SPTBN4: variants seen among roughly 807,000 people sequenced by gnomAD.
SPTBN4 encodes the protein spectrin beta, non-erythrocytic 4, also known as spectrin beta chain, non-erythrocytic 4.
In SPTBN4, 96 loss-of-function variants were observed where a neutral mutation model predicts 277.8. The observed-to-expected ratio is 0.35, with a 90% CI of 0.29 to 0.41. SPTBN4 has a LOEUF of 0.41. SPTBN4 is among the 10% of genes least tolerant of loss of function. The probability of loss-of-function intolerance (pLI) is 1.00; values close to 1 mark genes in which losing one functional copy is unlikely to be tolerated. For missense variants in SPTBN4, 3,006 were observed against 3,595.7 expected, an observed-to-expected ratio of 0.84 and a Z score of 4.19; for synonymous variants, 1,481 against 1,580.3, an observed-to-expected ratio of 0.94 and a Z score of 1.49.
intron 6 of SPTBN4, 62 bp from the exon 7 acceptor site, chr19:40,497,427 C>T: frequency 1.5e-6 from 2 of 1,295,770 alleles, no homozygotes; most frequent in Non-Finnish European, 2.2e-6. Flanking sequence ...GTGGCTTCTT[C>T]CCTGCTTGCC....
intron 20 of SPTBN4, among the ~76,000 whole-genome samples, chr19:40,546,225 C>CAAAA (rs557010488): frequency 7.2e-5 from 5 of 69,164 alleles, no homozygotes; most frequent in African/African-American, 1.7e-4. Context: ...AACTCCATCT[C>CAAAA]AAAAAAAAAA....
At position 40,514,875 on chromosome 19, in the gene SPTBN4, C is replaced by A. The variant is rs568647410; in HGVS notation, c.2766-436C>A. On this transcript the variant is annotated intron_variant, in intron 14 of 35. Coordinates refer to ENST00000598249, the MANE Select transcript of SPTBN4 (RefSeq NM_020971.3). ...ATCCCAGTACTTTGGGAGGCCAAGG[C>A]AGGTGGATCATATAAGATCAGGAGT... 3.9e-5 allele frequency among the ~76,000 whole-genome samples: 6 copies of A among 152,190 alleles called. No homozygotes were observed. In the East Asian group the frequency reaches 9.7e-4, roughly 25 times the overall value.
At chr19:40,518,408 G>C (rs1337753224) in intron 15 of SPTBN4, among the ~76,000 whole-genome samples, 1 of 152,074 alleles carries the variant, frequency 6.6e-6, no homozygotes, top group Non-Finnish European at 1.5e-5. Flanking sequence ...ACTTAGTACT[G>C]AGAAAATTTA....
At chr19:40,481,935 G>A (rs2080016735) in intron 2 of SPTBN4, among the ~76,000 whole-genome samples, 1 of 149,998 alleles carries the variant, frequency 6.7e-6, no homozygotes, top group South Asian at 2.1e-4. Context: ...GGCCATTCAA[G>A]TCTTTTTTTT....
At chr19:40,546,061 A>G (rs1386151659) in intron 20 of SPTBN4, among the ~76,000 whole-genome samples, 1 of 151,018 alleles carries the variant, frequency 6.6e-6, no homozygotes, top group Non-Finnish European at 1.5e-5. Context: ...AAAAAAAAAA[A>G]AAAAAAAATC....
chr19:40,570,837 A>C (rs1204886294), intron 33 of SPTBN4, 109 bp downstream of exon 33: 5 of 1,078,980 alleles, frequency 4.6e-6, no homozygotes, highest in African/African-American at 2.1e-5. Context: ...GCCCTCCAGC[A>C]GGTGGCGGTA....
At chr19:40,574,517 A>G (rs1409616358) in intron 35 of SPTBN4, among the ~76,000 whole-genome samples, 2 of 151,908 alleles carry the variant, frequency 1.3e-5, no homozygotes, top group African/African-American at 4.8e-5. Context: ...TTGCGCCACC[A>G]TGCCCGGCTA....
At chr19:40,552,455 CAAAAAAAAAA>C (rs33935362) in intron 22 of SPTBN4, among the ~76,000 whole-genome samples, 1 of 75,932 alleles carries the variant, frequency 1.3e-5, no homozygotes, top group Non-Finnish European at 2.5e-5. Context: ...GACTCCGTCT[CAAAAAAAAAA>C]AAAAAAAAAG....
rs2080156345 is a variant in SPTBN4 at position 40,493,061 on chromosome 19, A to T, written c.587+7A>T. On this transcript the variant is annotated splice_region_variant and intron_variant, in intron 5 of 35. Transcript: ENST00000598249. ...GTCAGATGAAGACAGCTGGGTAAGC[A>T]CCCCCACCACCTTCCTTAGGAGGTT... 2 of 1,613,670 alleles carry T rather than the reference A, an allele frequency of 1.2e-6. No homozygotes were observed. The highest frequency in any genetic ancestry group is 8.5e-7 in the Non-Finnish European group (1 of 1,179,794).
chr19:40,509,500 T>C (rs112619272), intron 13 of SPTBN4, among the ~76,000 whole-genome samples: 3,197 of 152,266 alleles, frequency 0.021, 94 homozygotes, highest in African/African-American at 0.066. Flanking sequence ...CCGCTTTGTC[T>C]TCCCAAAGTG....
intron 2 of SPTBN4, among the ~76,000 whole-genome samples, chr19:40,474,309 C>G (rs116074715): frequency 1.1e-4 from 16 of 146,530 alleles, no homozygotes; most frequent in African/African-American, 3.8e-4. Flanking sequence ...AATACTAAAC[C>G]TTTGGAGTTT....
At chr19:40,548,269 C>G (rs1461712493) in intron 20 of SPTBN4, among the ~76,000 whole-genome samples, 1 of 152,180 alleles carries the variant, frequency 6.6e-6, no homozygotes, top group Non-Finnish European at 1.5e-5. Context: ...GGGCAGATCA[C>G]TTGAGGTTAT....
intron 1 of SPTBN4, among the ~76,000 whole-genome samples, chr19:40,467,628 G>GGT (rs1568746476): frequency 2.0e-5 from 3 of 151,924 alleles, no homozygotes; most frequent in African/African-American, 7.2e-5. Context: ...CTTTGCGGGG[G>GGT]GGGGGGGGTG....
In SPTBN4 at chr19:40,520,100, C is replaced by T. The variant is rs2080509325; in HGVS notation, c.3603C>T (p.Tyr1201=). The change falls in exon 16 of 36, where the codon TAC becomes TAT. Residue 1201 remains tyrosine, a synonymous_variant. Coordinates refer to ENST00000598249, the MANE Select transcript of SPTBN4 (RefSeq NM_020971.3). ...AGGCGCTGGTCCAGGCGCACATCTA[C>T]CAGCTCTTCCTGCGGGATCTACGCC... ...RREALVQAHI[Y]QLFLRDLRQA... is the part of the protein sequence containing the mutation. 1.4e-6 allele frequency: 2 copies of T among 1,477,352 alleles called. No individual in the cohort carries two copies. The highest frequency in any genetic ancestry group is 2.8e-5 in the South Asian group (2 of 71,040). The allele number at this position is 1,477,352 out of a possible 1,614,324, so 91.5% of individuals were successfully genotyped here. A position where few individuals can be genotyped will look rare whatever the true frequency, so the allele number is the denominator to read the frequency against.
chr19:40,551,518 G>T (rs1449687521), intron 22 of SPTBN4, among the ~76,000 whole-genome samples: 1 of 152,162 alleles, frequency 6.6e-6, no homozygotes, highest in Admixed American at 6.6e-5. Flanking sequence ...CAAGGTGGGG[G>T]AGGGGGCCTT....
rs189848262 is a variant in SPTBN4, at chr19:40,569,583, C to T, written c.6957-74C>T. 5.6e-5 allele frequency: 85 copies of T among 1,520,256 alleles called. 1 individual carries two copies. The East Asian group carries it at 1.7e-3, about 30-fold the overall frequency. The allele number at this position is 1,520,256 out of a possible 1,614,324, so 94.2% of individuals were successfully genotyped here. A position where few individuals can be genotyped will look rare whatever the true frequency, so the allele number is the denominator to read the frequency against. On this transcript the variant is annotated intron_variant, in intron 31 of 35. Transcript: ENST00000598249. ...ACTTCCAGCTAAGAAGTGGAGGCTCCTCTGCCCAGCCAGACAGGTCCATGG... is the reference window on the plus strand; with the variant it reads ...ACTTCCAGCTAAGAAGTGGAGGCTCTTCTGCCCAGCCAGACAGGTCCATGG...
intron 17 of SPTBN4, among the ~76,000 whole-genome samples, chr19:40,526,410 G>C (rs2080592346): frequency 6.6e-6 from 1 of 152,006 alleles, no homozygotes; most frequent in Admixed American, 6.6e-5. Context: ...GACTTCAAGT[G>C]ATCCACCTGC....
chr19:40,540,995 C>T (rs545085447), intron 20 of SPTBN4, among the ~76,000 whole-genome samples: 24 of 152,234 alleles, frequency 1.6e-4, no homozygotes, highest in African/African-American at 5.5e-4. Flanking sequence ...TGTTTCCTCT[C>T]GTCCTTGCCA....
At chr19:40,481,695 C>T (rs1355227744) in intron 2 of SPTBN4, among the ~76,000 whole-genome samples, 1 of 152,068 alleles carries the variant, frequency 6.6e-6, no homozygotes, top group Admixed American at 6.6e-5. Context: ...AGGCTGGTCT[C>T]GAACTCCTGA....
Sources: allele counts gnomAD v4.1 joint callset (sites outside exome capture counted in the v4.1 genomes callset), GRCh38; gene constraint gnomAD v4.1.1; transcripts MANE v1.5; gene names NCBI Gene and HGNC (gene_info 2026-07-23, HGNC 2026-07-21).